Variants in CLGN observed in about 807,000 individuals in gnomAD.
CLGN encodes testis tissue sperm-binding protein Li 79P.
In CLGN, 62 loss-of-function variants were observed where a neutral mutation model predicts 79.1. The ratio of observed to expected loss-of-function variants is 0.78; its 90% CI spans 0.64 to 0.97. CLGN has a LOEUF of 0.97. CLGN is among the 50% of genes least tolerant of loss of function. The pLI is 0.00. For missense variants in CLGN, 647 were observed against 715.5 expected (o/e 0.90, Z 1.09); for synonymous variants, 225 against 224.7 (o/e 1.00, Z -0.01).
chr4:140,404,049 G>A (rs1391607033), intron 5 of CLGN, among the ~76,000 whole-genome samples: 1 of 151,910 alleles, frequency 6.6e-6, no homozygotes, highest in Non-Finnish European at 1.5e-5. Flanking sequence ...AGTCTTTAAT[G>A]AGCTAACATA....
intron 10 of CLGN, among the ~76,000 whole-genome samples, chr4:140,395,387 C>T (rs1010239587): frequency 6.6e-6 from 1 of 152,108 alleles, no homozygotes; most frequent in African/African-American, 2.4e-5. Flanking sequence ...ACCTCGTGAT[C>T]CGCCCGCCTT....
chr4:140,420,418 T>C (rs1729440988), intron 1 of CLGN, among the ~76,000 whole-genome samples: 1 of 152,154 alleles, frequency 6.6e-6, no homozygotes, highest in Non-Finnish European at 1.5e-5. Flanking sequence ...ATTTAATCTT[T>C]ACAGCCCAGG....
intron 5 of CLGN, among the ~76,000 whole-genome samples, chr4:140,405,191 A>ATTTTTTTTTTTTTTTTTTTTTTTTTCT (rs35471612): frequency 7.7e-6 from 1 of 129,064 alleles, no homozygotes; most frequent in Non-Finnish European, 1.6e-5. Context: ...TTTTTTTTTT[A>ATTTTTTTTTTTTTTTTTTTTTTTTTCT]TTTTTTTTTT....
intron 1 of CLGN, among the ~76,000 whole-genome samples, chr4:140,421,782 A>C (rs1466230847): frequency 6.6e-6 from 1 of 151,802 alleles, no homozygotes; most frequent in Non-Finnish European, 1.5e-5. Context: ...GATGCACAGA[A>C]CTTTTTAATT....
chr4:140,404,966 T>C lies in CLGN; in HGVS notation c.419+976A>G, dbSNP rs1395951675. Among the ~76,000 whole-genome samples, 3 of 150,980 alleles carry C rather than the reference T, an allele frequency of 2.0e-5. No individual in the cohort carries two copies. The East Asian group carries it at 6.0e-4, about 30-fold the overall frequency. ...GCATGAGGCACCATGCCAGGCATGG[T>C]GGGGAGGTGGAGAGGTTGAAAGAAA... is the stretch of plus-strand genomic sequence containing the variant. On this transcript the variant is annotated intron_variant, in intron 5 of 14. Coordinates refer to ENST00000325617, the MANE Select transcript of CLGN (RefSeq NM_004362.3).
chr4:140,402,231 C>A (rs1729013030), intron 5 of CLGN, among the ~76,000 whole-genome samples, 165 bp from the exon 6 acceptor site: 1 of 151,876 alleles, frequency 6.6e-6, no homozygotes, highest in Non-Finnish European at 1.5e-5. Context: ...AGCAGAAACG[C>A]TTTTCTACTA....
At chr4:140,413,912 A>G (rs922094265) in intron 1 of CLGN, among the ~76,000 whole-genome samples, 1 of 152,250 alleles carries the variant, frequency 6.6e-6, no homozygotes, top group Non-Finnish European at 1.5e-5. Flanking sequence ...CAGGGCACAG[A>G]CAAACAAAAA....
intron 12 of CLGN, 73 bp downstream of exon 12, chr4:140,392,513 C>A: frequency 6.7e-7 from 1 of 1,500,596 alleles, no homozygotes; most frequent in Admixed American, 2.3e-5. Context: ...TTTTAAGAAT[C>A]GCTTAATTTA....
intron 13 of CLGN, among the ~76,000 whole-genome samples, chr4:140,391,655 G>A (rs1241057201): frequency 6.6e-6 from 1 of 151,844 alleles, no homozygotes; most frequent in Non-Finnish European, 1.5e-5. Context: ...CCTTATGTAA[G>A]GAGGTCTCAG....
In CLGN at chr4:140,407,586, C is replaced by CAA. The variant is rs33994946; in HGVS notation, c.278-1505_278-1504dup. On this transcript the variant is annotated intron_variant, in intron 4 of 14. Coordinates refer to ENST00000325617, the MANE Select transcript of CLGN (RefSeq NM_004362.3). Reference sequence around the variant, plus strand: ...AACTCAATGACTTTTACAATGGCTGCAAAAAAAAAAAAAAAAATCCCTAGG... The same window carrying CAA: ...AACTCAATGACTTTTACAATGGCTGCAAAAAAAAAAAAAAAAAAATCCCTAGG... Among the ~76,000 whole-genome samples, 505 of 127,778 alleles carry CAA rather than the reference C, an allele frequency of 4.0e-3. 5 individuals carry two copies. The highest frequency in any genetic ancestry group is 0.012 in the African/African-American group (405 of 34,492). The allele number at this position is 127,778 out of a possible 152,430, so 83.8% of individuals were successfully genotyped here.
chr4:140,422,656 A>G (rs1016511525), intron 1 of CLGN, among the ~76,000 whole-genome samples: 2 of 152,100 alleles, frequency 1.3e-5, no homozygotes, highest in African/African-American at 2.4e-5. Flanking sequence ...TCACTCTGTT[A>G]CCCAGGCTGG....
intron 5 of CLGN, among the ~76,000 whole-genome samples, chr4:140,403,748 T>G (rs1452886291): frequency 6.6e-6 from 1 of 152,184 alleles, no homozygotes; most frequent in Non-Finnish European, 1.5e-5. Context: ...ACTGCAAACT[T>G]TTAGAGTTTT....
intron 8 of CLGN, among the ~76,000 whole-genome samples, chr4:140,396,730 G>A (rs1219453868): frequency 2.0e-5 from 3 of 150,794 alleles, no homozygotes; most frequent in African/African-American, 7.3e-5. Context: ...CTAAGTTTTT[G>A]TATTTTTAGT....
intron 4 of CLGN, among the ~76,000 whole-genome samples, chr4:140,408,884 T>TACACAC (rs1553945585): frequency 1.2e-4 from 17 of 145,592 alleles, no homozygotes; most frequent in East Asian, 8.0e-4. Context: ...TATATATATA[T>TACACAC]ACACACACAC....
intron 1 of CLGN, among the ~76,000 whole-genome samples, chr4:140,417,933 A>T (rs1351523041): frequency 1.3e-5 from 2 of 151,824 alleles, no homozygotes; most frequent in Non-Finnish European, 2.9e-5. Context: ...GAGGCATCAC[A>T]CTACCTGACT....
intron 5 of CLGN, among the ~76,000 whole-genome samples, chr4:140,402,700 T>G (rs1039183472): frequency 8.4e-6 from 1 of 119,054 alleles, no homozygotes; most frequent in African/African-American, 3.3e-5. Context: ...CAACACAGTG[T>G]AATTCTCAGC....
At chr4:140,403,364 T>C (rs946995193) in intron 5 of CLGN, among the ~76,000 whole-genome samples, 1 of 152,236 alleles carries the variant, frequency 6.6e-6, no homozygotes, top group African/African-American at 2.4e-5. Context: ...GGCAAATACA[T>C]GCTCAAAATG....
chr4:140,424,230 C>G (rs1043866521), intron 1 of CLGN, among the ~76,000 whole-genome samples: 2 of 152,092 alleles, frequency 1.3e-5, no homozygotes, highest in African/African-American at 4.8e-5. Context: ...TCATTTGTCT[C>G]AAGATGTTTT....
Position 140,388,949 on chromosome 4 carries a change from A to G in CLGN, c.*275T>C, listed in dbSNP as rs948433403. The G allele has an allele frequency of 2.8e-6, 1 of 357,156 alleles. No individual in the cohort carries two copies. Among genetic ancestry groups the G allele is most frequent in the Non-Finnish European group, 5.1e-6 (1 of 196,490 alleles). 22.1% of individuals were successfully genotyped at this position (357,156 alleles called of 1,614,324 possible). On this transcript the variant is annotated 3_prime_UTR_variant, in exon 15 of 15. Transcript: ENST00000325617. ...ATTTTGTTCTGTACAAACCAAAACT[A>G]TCTCCAAACAACTAAAACTGTGTAA...
Sources: allele counts gnomAD v4.1 joint callset (sites outside exome capture counted in the v4.1 genomes callset), GRCh38; gene constraint gnomAD v4.1.1; transcripts MANE v1.5; gene names NCBI Gene and HGNC (gene_info 2026-07-23, HGNC 2026-07-21).